Variants in SAMD9 observed in about 807,000 individuals in gnomAD.
The protein encoded by SAMD9 is sterile alpha motif domain-containing protein 9.
Under a neutral mutation model 1.5 loss-of-function variants are expected in SAMD9, and 3 were observed. The ratio of observed to expected loss-of-function variants is 2.05; its 90% CI spans 0.93 to 5.29. The LOEUF is 5.29. SAMD9 is among the 30% of genes most tolerant of loss of function. SAMD9 has a pLI of 0.02. For missense variants in SAMD9, 1,597 were observed against 1,820.8 expected (o/e 0.88, Z 2.24); for synonymous variants, 635 against 631.9 (o/e 1.00, Z -0.07).
chr7:93,111,739 C>A (rs1791747908), intron 2 of SAMD9, among the ~76,000 whole-genome samples: 1 of 152,092 alleles, frequency 6.6e-6, no homozygotes, highest in Admixed American at 6.6e-5. Flanking sequence ...ACACATACAC[C>A]CTCCCAAGAC....
In SAMD9 at chr7:93,104,600, G is replaced by A. The variant is rs1239625577; in HGVS notation, c.1498C>T (p.Leu500Phe). The part of the protein sequence containing the change: ...SWIFCNGRLD[L>F]DSEKYKPFDP... ...AAGGGTTTATATTTTTCACTGTCAA[G>A]GTCTAACCTGCCATTGCAGAAAATC... Residue 500 changes from leucine to phenylalanine, a missense_variant, in exon 3 of 3, where the codon CTT (leucine) becomes TTT (phenylalanine). Physicochemically the swap from Leu to Phe is conservative, Grantham distance 22 (BLOSUM62 0). Around this residue, in one of 6 missense-constraint regions of SAMD9, gnomAD observed 358 missense variants for 460.4 expected, o/e 0.78. Transcript: ENST00000379958. The A allele has an allele frequency of 1.2e-6, 2 of 1,613,988 alleles. No individual in the cohort carries two copies. The highest frequency in any genetic ancestry group is 1.7e-6 in the Non-Finnish European group (2 of 1,179,932).
In SAMD9 at chr7:93,103,808, T is replaced by C. The variant is rs138668310; in HGVS notation, c.2290A>G (p.Lys764Glu). Residue 764 changes from lysine (K) to glutamate (E), a missense_variant, in exon 3 of 3, where the codon AAA (lysine) becomes GAA (glutamate). Transcript: ENST00000379958. ...LRKKFRCAVL[K>E]NKTVDFSEIG... ...TCAGAAAAATCCACTGTCTTGTTTT[T>C]CAGCACAGCACATCTGAATTTCTTC... is the stretch of plus-strand genomic sequence containing the variant. 9.9e-6 allele frequency: 16 copies of C among 1,614,004 alleles called. No individual in the cohort carries two copies. The Admixed American group carries it at 2.3e-4, about 24-fold the overall frequency.
In SAMD9 at chr7:93,105,910, G is replaced by A; in HGVS notation, c.188C>T (p.Pro63Leu). The change falls in exon 3 of 3, where the codon CCA becomes CTA. Residue 63 changes from proline to leucine, a missense_variant. Around this residue, in one of 6 missense-constraint regions of SAMD9, gnomAD observed 498 missense variants for 457.4 expected, o/e 1.09. Transcript: ENST00000379958. ...GAATAGTTCTTCTATTTGAATAGCTGGTCCATGTGTGATGCCCATATCAAC... is the reference window on the plus strand; with the variant it reads ...GAATAGTTCTTCTATTTGAATAGCTAGTCCATGTGTGATGCCCATATCAAC... ...HLVDMGITHG[P>L]AIQIEELFKE... The A allele has an allele frequency of 6.2e-7, 1 of 1,613,850 alleles. No individual in the cohort carries two copies. Among genetic ancestry groups the A allele is most frequent in the Non-Finnish European group, 8.5e-7 (1 of 1,179,970 alleles).
At position 93,102,039 on chromosome 7, in the gene SAMD9, T is replaced by A; in HGVS notation, c.4059A>T (p.Lys1353Asn). Residue 1353 changes from lysine to asparagine, a missense_variant, in exon 3 of 3, where the codon AAA (lysine) becomes AAT (asparagine). Physicochemically the swap from Lys to Asn is moderately conservative, Grantham distance 94. This residue lies in a region of SAMD9 where 682 missense variants were observed against 810.0 expected (regional missense o/e 0.84). Transcript: ENST00000379958. The stretch of plus-strand genomic sequence containing the variant: ...TAGTGCTTATAGCATCCTCTTGACT[T>A]TTGATAAGATATTCCAAGAGCCCAG... ...KFSGLLEYLI[K>N]SQEDAISTMK... The A allele has an allele frequency of 6.2e-7, 1 of 1,613,394 alleles. No individual in the cohort carries two copies.
chr7:93,103,548 A>G lies in SAMD9; in HGVS notation c.2550T>C (p.Ser850=). The change falls in exon 3 of 3, where the codon AGT becomes AGC. Residue 850 remains serine, a synonymous_variant. Transcript: ENST00000379958. The stretch of plus-strand genomic sequence containing the variant: ...GAGAGAGTTGCTGTATTACGGCAAT[A>G]CTGTCTGGGATCCTTGCACTTTTTT... The part of the protein sequence containing the change: ...NPEKSARIPD[S]IAVIQQLSPK... 6.2e-7 allele frequency: 1 copy of G among 1,613,682 alleles called. No homozygotes were observed. Among genetic ancestry groups the G allele is most frequent in the Non-Finnish European group, 8.5e-7 (1 of 1,179,684 alleles).
intron 2 of SAMD9, among the ~76,000 whole-genome samples, chr7:93,110,731 G>A (rs1289083470): frequency 1.3e-5 from 2 of 152,128 alleles, no homozygotes; most frequent in Non-Finnish European, 2.9e-5. Flanking sequence ...AATGCTAAAG[G>A]GATCAATTCA....
chr7:93,108,001 A>G (rs545784808), intron 2 of SAMD9, among the ~76,000 whole-genome samples: 13 of 152,378 alleles, frequency 8.5e-5, no homozygotes, highest in Admixed American at 6.5e-4. Context: ...AAAAACTGCA[A>G]TGGTATCCAT....
At chr7:93,113,107 T>C (rs933992512) in intron 2 of SAMD9, among the ~76,000 whole-genome samples, 2 of 152,046 alleles carry the variant, frequency 1.3e-5, no homozygotes, top group East Asian at 1.9e-4. Flanking sequence ...AAAACAGAGA[T>C]ATAGACCAAT....
Position 93,102,496 on chromosome 7 carries a change from ATC to A in SAMD9, c.3600_3601del (p.Glu1200AspfsTer18). 6.2e-7 allele frequency: 1 copy of A among 1,613,774 alleles called. No homozygotes were observed. Among genetic ancestry groups the A allele is most frequent in the African/African-American group, 1.3e-5 (1 of 75,036 alleles). ...TTGGATTGTGTAAAGCCCAACTTCT[ATC>A]TCTCCTTGATAACCAGCTATATTGT... is the stretch of plus-strand genomic sequence containing the variant. On this transcript the variant is annotated frameshift_variant, in exon 3 of 3. Transcript: ENST00000379958. LOFTEE classifies it low-confidence loss of function (END_TRUNC).
chr7:93,103,046 A>C lies in SAMD9; in HGVS notation c.3052T>G (p.Phe1018Val). The C allele has an allele frequency of 6.2e-7, 1 of 1,613,918 alleles. No homozygotes were observed. The highest frequency in any genetic ancestry group is 8.5e-7 in the Non-Finnish European group (1 of 1,179,806). ...TTACTTTTTCCCATACCAGTATCGAAGAACAAATTCTCAGTTAGCATATCC... is the reference window on the plus strand; with the variant it reads ...TTACTTTTTCCCATACCAGTATCGACGAACAAATTCTCAGTTAGCATATCC... ...MLDMLTENLFFDTGMGKSKFL... is the reference protein window; with the variant it reads ...MLDMLTENLFVDTGMGKSKFL... The change falls in exon 3 of 3, where the codon TTC becomes GTC. Residue 1018 changes from phenylalanine to valine, a missense_variant. Physicochemically the swap from Phe to Val is conservative, Grantham distance 50 (BLOSUM62 -1). Around this residue, in one of 6 missense-constraint regions of SAMD9, gnomAD observed 682 missense variants for 810.0 expected, o/e 0.84. Coordinates refer to ENST00000379958, the MANE Select transcript of SAMD9 (RefSeq NM_017654.4).
intron 2 of SAMD9, among the ~76,000 whole-genome samples, chr7:93,110,456 A>C (rs1791722062): frequency 6.6e-6 from 1 of 152,202 alleles, no homozygotes; most frequent in Admixed American, 6.5e-5. Context: ...CACACATAAC[A>C]ATATTAACCT....
chr7:93,105,533 T>G lies in SAMD9; in HGVS notation c.565A>C (p.Asn189His). The G allele has an allele frequency of 6.2e-7, 1 of 1,614,142 alleles. No homozygotes were observed. The highest frequency in any genetic ancestry group is 8.5e-7 in the Non-Finnish European group (1 of 1,180,000). The change falls in exon 3 of 3, where the codon AAT becomes CAT. Residue 189 changes from asparagine (N) to histidine (H), a missense_variant. Coordinates refer to ENST00000379958, the MANE Select transcript of SAMD9 (RefSeq NM_017654.4). ...FSLQPETGPGNLIDPIHEFKA... is the reference protein window; with the variant it reads ...FSLQPETGPGHLIDPIHEFKA... ...AATTCATGTATCGGATCAATGAGAT[T>G]GCCTGGTCCTGTTTCAGGCTGTAGA...
rs771330035 is a variant in SAMD9 at position 93,105,489 on chromosome 7, T to C, written c.609A>G (p.Thr203=). 1.3e-4 allele frequency: 204 copies of C among 1,613,980 alleles called. No homozygotes were observed. The South Asian group carries it at 1.6e-3, about 12-fold the overall frequency. The change falls in exon 3 of 3, where the codon ACA becomes ACG. Residue 203 remains threonine (T), a synonymous_variant. Transcript: ENST00000379958. Reference sequence around the variant, plus strand: ...TGACATCCTCTTCTGTGGCTGTTGCTGTATTTGTGAAGGCTTTGAATTCAT... The same window carrying C: ...TGACATCCTCTTCTGTGGCTGTTGCCGTATTTGTGAAGGCTTTGAATTCAT... ...PIHEFKAFTN[T]ATATEEDVKM...
Position 93,101,752 on chromosome 7 carries a change from T to C in SAMD9, c.4346A>G (p.His1449Arg), listed in dbSNP as rs914472275. The stretch of plus-strand genomic sequence containing the variant: ...AGCATACTCTTTCATTTGTTCAGAA[T>C]GTTGATCTAGTTGTTGATTTTCTGG... ...FWPENQQLDQ[H>R]SEQMKEYAQA... is the part of the protein sequence containing the mutation. Residue 1449 changes from histidine (H) to arginine (R), a missense_variant, in exon 3 of 3, where the codon CAT becomes CGT. Coordinates refer to ENST00000379958, the MANE Select transcript of SAMD9 (RefSeq NM_017654.4). The C allele has an allele frequency of 6.8e-6, 11 of 1,613,876 alleles. No homozygotes were observed. The East Asian group carries it at 2.5e-4, about 36-fold the overall frequency.
In SAMD9 at chr7:93,103,516, T is replaced by TA. The variant is rs763398021; in HGVS notation, c.2581_2582insT (p.Glu861ValfsTer6). 144 of 1,613,682 alleles carry TA rather than the reference T, an allele frequency of 8.9e-5. No individual in the cohort carries two copies. Among genetic ancestry groups the TA allele is most frequent in the Non-Finnish European group, 1.1e-4 (135 of 1,179,754 alleles). ...CAATTTAAGCTCAAAAGCTCTCTGT[T>TA]CTTTGGGAGAGAGTTGCTGTATTAC... On this transcript the variant is annotated frameshift_variant, in exon 3 of 3. Coordinates refer to ENST00000379958, the MANE Select transcript of SAMD9 (RefSeq NM_017654.4). LOFTEE classifies it low-confidence loss of function (END_TRUNC).
chr7:93,113,535 A>C (rs941179750), intron 2 of SAMD9, among the ~76,000 whole-genome samples: 1 of 152,216 alleles, frequency 6.6e-6, no homozygotes, highest in African/African-American at 2.4e-5. Context: ...AATGGGAGAA[A>C]ATTTTTACAA....
intron 2 of SAMD9, among the ~76,000 whole-genome samples, chr7:93,110,849 T>C (rs1461926297): frequency 1.3e-5 from 2 of 152,024 alleles, no homozygotes; most frequent in African/African-American, 4.8e-5. Flanking sequence ...TCCCACACAA[T>C]AATAATGGGA....
rs545627709 is a variant in SAMD9, at chr7:93,106,699, C to G, written c.-8-594G>C. 8.5e-5 allele frequency among the ~76,000 whole-genome samples: 13 copies of G among 152,320 alleles called. No individual in the cohort carries two copies. In the South Asian group the frequency reaches 2.7e-3, roughly 32 times the overall value. The stretch of plus-strand genomic sequence containing the variant: ...GGTTACCTATTTGGTGACACCCATT[C>G]TAATCATTTGTGTTCTCCATTGAAG... On this transcript the variant is annotated intron_variant, in intron 2 of 2. Coordinates refer to ENST00000379958, the MANE Select transcript of SAMD9 (RefSeq NM_017654.4).
rs377645651 is a variant in SAMD9 at position 93,105,367 on chromosome 7, T to C, written c.731A>G (p.His244Arg). The C allele has an allele frequency of 5.7e-5, 92 of 1,613,900 alleles. No individual in the cohort carries two copies. The highest frequency in any genetic ancestry group is 1.0e-4 in the Admixed American group (6 of 59,986). ...TIHFGVKDKP[H>R]GKIVGIKVTN... ...GACTTTGATGCCAACAATTTTCCCA[T>C]GGGGTTTGTCTTTGACTCCAAAATG... Residue 244 changes from histidine (H) to arginine (R), a missense_variant, in exon 3 of 3, where the codon CAT becomes CGT. Coordinates refer to ENST00000379958, the MANE Select transcript of SAMD9 (RefSeq NM_017654.4).
Sources: gnomAD v4.1 joint callset for allele counts (sites outside exome capture counted in the v4.1 genomes callset) on GRCh38, gnomAD v4.1.1 for gene constraint, gnomAD v4.1.1 regional missense constraint, MANE v1.5 for transcripts, NCBI Gene and HGNC (gene_info 2026-07-23, HGNC 2026-07-21) for gene names.